GASK1B: variants seen among roughly 807,000 people sequenced by gnomAD.
GASK1B encodes the protein golgi associated kinase 1B, also known as Golgi-associated kinase 1B.
Under a neutral mutation model 42.8 loss-of-function variants are expected in GASK1B, and 34 were observed. The ratio of observed to expected loss-of-function variants is 0.79; its 90% CI spans 0.60 to 1.06. The LOEUF (loss-of-function observed/expected upper bound fraction) is 1.06. Among genes scored for constraint, GASK1B ranks in the 50% least tolerant of loss-of-function variants. The probability of loss-of-function intolerance (pLI) is 0.00; values close to 1 mark genes in which losing one functional copy is unlikely to be tolerated. For missense variants in GASK1B, 686 were observed against 661.0 expected, an observed-to-expected ratio of 1.04 and a Z score of -0.42; for synonymous variants, 262 against 259.1, an observed-to-expected ratio of 1.01 and a Z score of -0.11.
At chr4:158,161,144 C>T (rs1028511633) in intron 2 of GASK1B, among the ~76,000 whole-genome samples, 1 of 151,476 alleles carries the variant, frequency 6.6e-6, no homozygotes, top group East Asian at 1.9e-4. Context: ...TTGAAGAAGC[C>T]TAAAAAATAA....
chr4:158,129,562 A>G (rs1199698440), intron 4 of GASK1B, among the ~76,000 whole-genome samples: 1 of 152,210 alleles, frequency 6.6e-6, no homozygotes, highest in Non-Finnish European at 1.5e-5. Context: ...AGTGTTTAGG[A>G]AGAATGATTG....
At chr4:158,151,872 G>A (rs1239988262) in intron 3 of GASK1B, among the ~76,000 whole-genome samples, 1 of 152,214 alleles carries the variant, frequency 6.6e-6, no homozygotes, top group Non-Finnish European at 1.5e-5. Context: ...GAGTGTGTCT[G>A]TGAGGGTGTT....
chr4:158,163,660 T>C (rs1732118182), intron 2 of GASK1B, among the ~76,000 whole-genome samples: 1 of 152,128 alleles, frequency 6.6e-6, no homozygotes, highest in African/African-American at 2.4e-5. Context: ...AACTCTAAGG[T>C]AAGTAATGTT....
chr4:158,141,908 ATGT>A lies in GASK1B; in HGVS notation c.1126-10899_1126-10897del, dbSNP rs1339786760. Among the ~76,000 whole-genome samples the A allele has an allele frequency of 4.2e-3, 517 of 123,088 alleles. 5 individuals carry two copies. The highest frequency in any genetic ancestry group is 0.04 in the Admixed American group (460 of 11,628). The allele number at this position is 123,088 out of a possible 152,430, so 80.8% of individuals were successfully genotyped here. ...AAGCGTGAGCCACCGCGCCCGGCCGATGTTGTGGTTTCTTTTTTTTTTTTTTTT... is the reference window on the plus strand; with the variant it reads ...AAGCGTGAGCCACCGCGCCCGGCCGATGTGGTTTCTTTTTTTTTTTTTTTT... On this transcript the variant is annotated intron_variant, in intron 3 of 4. Transcript: ENST00000585682.
At chr4:158,130,234 T>C (rs1040222444) in intron 4 of GASK1B, among the ~76,000 whole-genome samples, 1 of 152,176 alleles carries the variant, frequency 6.6e-6, no homozygotes, top group African/African-American at 2.4e-5. Context: ...CCTTGAAGGA[T>C]TTCAAAATGC....
intron 1 of GASK1B, 29 bp from the exon 2 acceptor site, chr4:158,171,628 G>A: frequency 2.7e-6 from 1 of 376,886 alleles, no homozygotes; most frequent in Non-Finnish European, 4.7e-6. Context: ...AGAGTTAACT[G>A]AGTCACAATT....
intron 4 of GASK1B, among the ~76,000 whole-genome samples, chr4:158,130,231 G>T (rs1730625091): frequency 6.6e-6 from 1 of 152,116 alleles, no homozygotes; most frequent in South Asian, 2.1e-4. Flanking sequence ...TCTCCTTGAA[G>T]GATTTCAAAA....
At chr4:158,166,107 A>G (rs1466574777) in intron 2 of GASK1B, among the ~76,000 whole-genome samples, 2 of 152,210 alleles carry the variant, frequency 1.3e-5, no homozygotes, top group African/African-American at 4.8e-5. Flanking sequence ...ATTGTGGCAC[A>G]CTGCTGGCTC....
In GASK1B at chr4:158,127,370, T is replaced by C; in HGVS notation, c.*37A>G. 6.4e-7 allele frequency: 1 copy of C among 1,571,612 alleles called. No homozygotes were observed. The highest frequency in any genetic ancestry group is 1.8e-5 in the Admixed American group (1 of 55,676). ...ATTTAAAAACAAAACCAAAAATGCA[T>C]AAATATATCTAACACCCTAGCCAGA... On this transcript the variant is annotated 3_prime_UTR_variant, in exon 5 of 5. Coordinates refer to ENST00000585682, the MANE Select transcript of GASK1B (RefSeq NM_001128424.2).
intron 3 of GASK1B, among the ~76,000 whole-genome samples, chr4:158,154,078 C>T (rs903520494): frequency 2.0e-5 from 3 of 151,492 alleles, no homozygotes; most frequent in Admixed American, 2.0e-4. Flanking sequence ...AAATTGACCA[C>T]CCATAGAGTG....
Position 158,170,619 on chromosome 4 carries a change from C to A in GASK1B, c.757G>T (p.Ala253Ser), listed in dbSNP as rs762471143. The A allele has an allele frequency of 3.4e-5, 55 of 1,613,542 alleles. No homozygotes were observed. In the Admixed American group the frequency reaches 9.2e-4, roughly 27 times the overall value. The stretch of plus-strand genomic sequence containing the variant: ...CCACAGCGGAGCACAGCGCCAGGTG[C>A]GCCCCCCTCCAGCACCAGCAAACGG... ...GARLLVLEGG[A>S]PGAVLRCGPS... Residue 253 changes from alanine (A) to serine (S), a missense_variant, in exon 2 of 5, where the codon GCA becomes TCA. Transcript: ENST00000585682.
Position 158,170,794 on chromosome 4 carries a change from G to C in GASK1B, c.582C>G (p.Asp194Glu). The C allele has an allele frequency of 6.2e-7, 1 of 1,614,216 alleles. No individual in the cohort carries two copies. ...TCTCCCTGGAGCTGGGCTGCAGGAAGTCTGGGCCCCCGGCTCGCACTCCCG... is the reference window on the plus strand; with the variant it reads ...TCTCCCTGGAGCTGGGCTGCAGGAACTCTGGGCCCCCGGCTCGCACTCCCG... The part of the protein sequence containing the change: ...RGPGVRAGGP[D>E]FLQPSSRESN... The change falls in exon 2 of 5, where the codon GAC (aspartate) becomes GAG (glutamate). Residue 194 changes from aspartate to glutamate, a missense_variant. Physicochemically the swap from Asp to Glu is conservative, Grantham distance 45 (BLOSUM62 2). Coordinates refer to ENST00000585682, the MANE Select transcript of GASK1B (RefSeq NM_001128424.2).
rs138863095 is a variant in GASK1B at position 158,152,845 on chromosome 4, G to A, written c.1125+2766C>T. 4.9e-3 allele frequency among the ~76,000 whole-genome samples: 748 copies of A among 152,202 alleles called. 3 individuals carry two copies. The highest frequency in any genetic ancestry group is 0.01 in the African/African-American group (427 of 41,534). On this transcript the variant is annotated intron_variant, in intron 3 of 4. Coordinates refer to ENST00000585682, the MANE Select transcript of GASK1B (RefSeq NM_001128424.2). ...ACAGCAAAACTGGCATAGAAGGGAC[G>A]TACCTTAAGGTAATAAAAGCCATCT...
chr4:158,132,437 C>T (rs1730718894), intron 3 of GASK1B, among the ~76,000 whole-genome samples: 1 of 152,176 alleles, frequency 6.6e-6, no homozygotes, highest in Admixed American at 6.5e-5. Flanking sequence ...ACATCTTCTA[C>T]ATCCTATCAG....
chr4:158,136,075 T>A (rs557555944), intron 3 of GASK1B, among the ~76,000 whole-genome samples: 2 of 152,310 alleles, frequency 1.3e-5, no homozygotes, highest in South Asian at 4.1e-4. Context: ...TATCAAAGTT[T>A]CTAAATGCTT....
At chr4:158,170,250 T>TG in intron 2 of GASK1B, 1 of 1,614,188 alleles carries the variant, frequency 6.2e-7, no homozygotes, top group South Asian at 1.1e-5. Flanking sequence ...GGCTTACTCT[T>TG]GCATGTCCAA....
At chr4:158,140,077 C>T (rs771465467) in intron 3 of GASK1B, among the ~76,000 whole-genome samples, 11 of 152,132 alleles carry the variant, frequency 7.2e-5, no homozygotes, top group South Asian at 2.1e-4. Flanking sequence ...CAATGACCAC[C>T]GGTATAGTTT....
rs529753508 is a variant in GASK1B at position 158,149,012 on chromosome 4, C to T, written c.1125+6599G>A. On this transcript the variant is annotated intron_variant, in intron 3 of 4. Transcript: ENST00000585682. ...AGAGGCAGCAAGCATTACTACTCCC[C>T]TCAAAGAACTCTCTGCTTCAAATGG... Among the ~76,000 whole-genome samples the T allele has an allele frequency of 2.0e-3, 306 of 152,302 alleles. 1 individual carries two copies. Among genetic ancestry groups the T allele is most frequent in the Non-Finnish European group, 3.4e-3 (232 of 68,026 alleles).
intron 4 of GASK1B, 85 bp from the exon 5 acceptor site, chr4:158,127,699 G>T: frequency 8.3e-7 from 1 of 1,205,110 alleles, no homozygotes; most frequent in Non-Finnish European, 1.1e-6. Flanking sequence ...TCATTAATCT[G>T]TCATAAATCA....
Sources: allele counts gnomAD v4.1 joint callset (sites outside exome capture counted in the v4.1 genomes callset), GRCh38; gene constraint gnomAD v4.1.1; transcripts MANE v1.5; gene names NCBI Gene and HGNC (gene_info 2026-07-23, HGNC 2026-07-21).